DHX29: variants seen among roughly 807,000 people sequenced by gnomAD.
DHX29 encodes the protein DExH-box helicase 29, also known as ATP-dependent RNA helicase DHX29.
In DHX29, 79 loss-of-function variants were observed where a neutral mutation model predicts 167.9. The ratio of observed to expected loss-of-function variants is 0.47; its 90% CI spans 0.39 to 0.57. The LOEUF (loss-of-function observed/expected upper bound fraction) is 0.57. Ranked by LOEUF, DHX29 falls within the 20% of genes least tolerant of loss-of-function variation. The pLI is 0.00. For synonymous variants in DHX29, 530 were observed against 546.0 expected (o/e 0.97, Z 0.41); for missense variants, 1,347 against 1,593.4 (o/e 0.85, Z 2.63).
chr5:55,303,277 G>T (rs1208528023), intron 1 of DHX29, among the ~76,000 whole-genome samples: 1 of 152,198 alleles, frequency 6.6e-6, no homozygotes, highest in Admixed American at 6.5e-5. Flanking sequence ...CTGATCGACA[G>T]TGTGTACATC....
intron 1 of DHX29, among the ~76,000 whole-genome samples, chr5:55,306,070 G>T (rs1748842898): frequency 6.6e-6 from 1 of 152,132 alleles, no homozygotes; most frequent in Non-Finnish European, 1.5e-5. Context: ...AAAAGAGGCT[G>T]ATCCACAGAA....
chr5:55,277,111 C>T lies in DHX29; in HGVS notation c.2281G>A (p.Val761Ile), dbSNP rs1330974329. The T allele has an allele frequency of 1.2e-6, 2 of 1,604,834 alleles. No individual in the cohort carries two copies. Among genetic ancestry groups the T allele is most frequent in the Non-Finnish European group, 1.7e-6 (2 of 1,176,982 alleles). The change falls in exon 13 of 27, where the codon GTT becomes ATT. Residue 761 changes from valine (V) to isoleucine (I), a missense_variant. By Grantham distance (29) the Val-to-Ile change is conservative. Transcript: ENST00000251636. ...ACATTATAAAGAAAACTTACCTCAA[C>T]AGGATAACTTCTTCCTGAAATTCTG... ...ILRISGRSYP[V>I]EVFHLEDIIE...
intron 10 of DHX29, 84 bp downstream of exon 10, chr5:55,285,209 A>T: frequency 6.5e-7 from 1 of 1,544,512 alleles, no homozygotes; most frequent in South Asian, 1.2e-5. Context: ...ATTAATCAGA[A>T]GAAACAGTCA....
At position 55,274,670 on chromosome 5, in the gene DHX29, A is replaced by T. The variant is rs755996653; in HGVS notation, c.2634T>A (p.Ala878=). 10 of 1,604,894 alleles carry T rather than the reference A, an allele frequency of 6.2e-6. No individual in the cohort carries two copies. The highest frequency in any genetic ancestry group is 8.5e-6 in the Non-Finnish European group (10 of 1,176,888). Residue 878 remains alanine (A), a synonymous_variant, in exon 16 of 27, where the codon GCT becomes GCA. Coordinates refer to ENST00000251636, the MANE Select transcript of DHX29 (RefSeq NM_019030.4). ...GAAGATCATACAACTGCTGAATATGAGCAAGTCCTGGTAAAAAGATCAATA... is the reference window on the plus strand; with the variant it reads ...GAAGATCATACAACTGCTGAATATGTGCAAGTCCTGGTAAAAAGATCAATA... The part of the protein sequence containing the change: ...GAVLIFLPGL[A]HIQQLYDLLS...
At chr5:55,301,087 A>C (rs892161803) in intron 1 of DHX29, among the ~76,000 whole-genome samples, 4 of 152,168 alleles carry the variant, frequency 2.6e-5, no homozygotes, top group African/African-American at 7.2e-5. Context: ...TCAGGGCCCC[A>C]TCCCTGTGAT....
intron 8 of DHX29, among the ~76,000 whole-genome samples, chr5:55,288,134 T>G (rs1317851734): frequency 6.6e-6 from 1 of 151,668 alleles, no homozygotes; most frequent in Non-Finnish European, 1.5e-5. Context: ...TCCCAGCTAC[T>G]TGGGAGGCTG....
chr5:55,268,429 T>G (rs1384407833), intron 21 of DHX29, among the ~76,000 whole-genome samples: 1 of 152,104 alleles, frequency 6.6e-6, no homozygotes, highest in East Asian at 1.9e-4. Flanking sequence ...TTATTTTTAT[T>G]TTTGGGTTTT....
At chr5:55,287,082 C>T (rs1451875240) in intron 8 of DHX29, among the ~76,000 whole-genome samples, 1 of 152,158 alleles carries the variant, frequency 6.6e-6, no homozygotes, top group African/African-American at 2.4e-5. Flanking sequence ...TTGAAGCTTA[C>T]CTTTTCTACT....
intron 20 of DHX29, 150 bp from the exon 21 acceptor site, chr5:55,269,787 A>G (rs1478207050): frequency 2.5e-5 from 14 of 568,172 alleles, no homozygotes; most frequent in African/African-American, 7.8e-5. Flanking sequence ...TTTTTTTTAT[A>G]ATGGGGGTAG....
In DHX29 at chr5:55,262,689, G is replaced by A. The variant is rs1479367951; in HGVS notation, c.3769C>T (p.His1257Tyr). 1.9e-6 allele frequency: 3 copies of A among 1,614,084 alleles called. No homozygotes were observed. The highest frequency in any genetic ancestry group is 1.1e-5 in the South Asian group (1 of 91,082). Residue 1257 changes from histidine (H) to tyrosine (Y), a missense_variant, in exon 24 of 27, where the codon CAC (histidine) becomes TAC (tyrosine). His to Tyr is a moderately conservative substitution (Grantham distance 83, BLOSUM62 2). Transcript: ENST00000251636. ...VETAQGKAQV[H>Y]PSSVNRDLQT... ...AAATCTCGATTTACTGAGGATGGGT[G>A]TACTTGTGCTTTGCCTTGGGCCGTC... is the stretch of plus-strand genomic sequence containing the variant.
rs1747102628 is a variant in DHX29 at position 55,276,196 on chromosome 5, T to C, written c.2427+70A>G. 5.3e-6 allele frequency: 7 copies of C among 1,328,736 alleles called. No homozygotes were observed. The South Asian group carries it at 9.2e-5, about 17-fold the overall frequency. The allele number at this position is 1,328,736 out of a possible 1,614,324, so 82.3% of individuals were successfully genotyped here. ...AATTCACTGTGTTAACCACATGATT[T>C]TGAAACTCTTGTGGCAGGTTAGGCC... On this transcript the variant is annotated intron_variant, in intron 14 of 26. Transcript: ENST00000251636.
intron 1 of DHX29, among the ~76,000 whole-genome samples, chr5:55,303,002 T>C (rs979857475): frequency 6.6e-6 from 1 of 152,102 alleles, no homozygotes; most frequent in Non-Finnish European, 1.5e-5. Context: ...AATTTATAAA[T>C]GAAAGGTCAT....
chr5:55,256,670 A>G (rs1746073340), intron 26 of DHX29, 130 bp from the exon 27 acceptor site: 1 of 638,884 alleles, frequency 1.6e-6, no homozygotes, highest in Admixed American at 3.7e-5. Context: ...AACACCAGTA[A>G]TAAAACTAGA....
intron 17 of DHX29, 39 bp from the exon 18 acceptor site, chr5:55,272,214 T>G: frequency 8.5e-7 from 1 of 1,170,616 alleles, no homozygotes; most frequent in Admixed American, 2.4e-5. Context: ...TTAGACTACT[T>G]TCATGAATGT....
chr5:55,300,150 T>C (rs1161962154), intron 1 of DHX29, among the ~76,000 whole-genome samples: 1 of 147,394 alleles, frequency 6.8e-6, no homozygotes, highest in Non-Finnish European at 1.5e-5. Flanking sequence ...GGTAGGAGGA[T>C]CTCTTGAGCC....
At chr5:55,266,782 A>G (rs923985082) in intron 23 of DHX29, among the ~76,000 whole-genome samples, 2 of 151,170 alleles carry the variant, frequency 1.3e-5, no homozygotes, top group Non-Finnish European at 3.0e-5. Context: ...TGCCCATTTA[A>G]TTTTTTTATT....
At position 55,307,667 on chromosome 5, in the gene DHX29, C is replaced by A; in HGVS notation, c.-94G>T. The A allele has an allele frequency of 6.8e-7, 1 of 1,475,722 alleles. No homozygotes were observed. The highest frequency in any genetic ancestry group is 9.2e-7 in the Non-Finnish European group (1 of 1,087,558). The allele number at this position is 1,475,722 out of a possible 1,614,324, so 91.4% of individuals were successfully genotyped here. A position where few individuals can be genotyped will look rare whatever the true frequency, so the allele number is the denominator to read the frequency against. On this transcript the variant is annotated 5_prime_UTR_variant, in exon 1 of 27. Coordinates refer to ENST00000251636, the MANE Select transcript of DHX29 (RefSeq NM_019030.4). ...TTCACATTCCCCGGCTCCGGGGCTG[C>A]CACCCTGCGCTTCGATCCGGGCTTC...
chr5:55,274,431 A>G (rs968256208), intron 16 of DHX29, among the ~76,000 whole-genome samples, 183 bp downstream of exon 16: 1 of 152,092 alleles, frequency 6.6e-6, no homozygotes, highest in African/African-American at 2.4e-5. Flanking sequence ...AGAATATAGT[A>G]CCTAAAAATT....
chr5:55,263,074 T>C, intron 23 of DHX29, 142 bp from the exon 24 acceptor site: 2 of 644,332 alleles, frequency 3.1e-6, no homozygotes, highest in African/African-American at 3.7e-5. Context: ...CAAATTACCT[T>C]AGGGAAAAAA....
Sources: gnomAD v4.1 joint callset for allele counts (sites outside exome capture counted in the v4.1 genomes callset) on GRCh38, gnomAD v4.1.1 for gene constraint, MANE v1.5 for transcripts, NCBI Gene and HGNC (gene_info 2026-07-23, HGNC 2026-07-21) for gene names.